The following IGSF3 variants were observed in gnomAD, a reference collection of about 807,000 sequenced individuals.
IGSF3 encodes glu-Trp-Ile EWI motif-containing protein 3.
A neutral mutation model predicts 114.4 loss-of-function variants in IGSF3; 23 were observed. That is an observed-to-expected ratio of 0.20 (90% CI 0.14 to 0.28). IGSF3 has a LOEUF of 0.28. IGSF3 is among the 10% of genes least tolerant of loss of function. The pLI, the probability that IGSF3 is intolerant of heterozygous loss-of-function variation, is 1.00. For missense variants in IGSF3, 1,172 were observed against 1,591.5 expected (o/e 0.74, Z 4.48); for synonymous variants, 571 against 645.2 (o/e 0.88, Z 1.74).
intron 2 of IGSF3, among the ~76,000 whole-genome samples, chr1:116,637,832 T>G (rs1236430766): frequency 1.3e-5 from 2 of 152,238 alleles, no homozygotes; most frequent in Non-Finnish European, 2.9e-5. Flanking sequence ...TGACTTTCGA[T>G]GATTCAGATG....
Position 116,579,519 on chromosome 1 carries a change from C to G in IGSF3, c.3207G>C (p.Gln1069His). Reference sequence around the variant, plus strand: ...AATTGCCTGTATCTTGGGGGCTTGCCTGCAGCACTGTGAGCCGGTAGAGCA... The same window carrying G: ...AATTGCCTGTATCTTGGGGGCTTGCGTGCAGCACTGTGAGCCGGTAGAGCA... The part of the protein sequence containing the change: ...SPVLYRLTVL[Q>H]ASPQDTGNYS... The change falls in exon 10 of 11, where the codon CAG becomes CAC. Residue 1069 changes from glutamine to histidine, a missense_variant. Physicochemically the swap from Gln to His is conservative, Grantham distance 24 (BLOSUM62 0). Around this residue, in one of 3 missense-constraint regions of IGSF3, gnomAD observed 423 missense variants for 509.8 expected, o/e 0.83. Transcript: ENST00000369486. This position sits in a 1 kb window ranked among gnomAD's most constrained non-coding sequence, Gnocchi z 6.4. The G allele has an allele frequency of 6.2e-7, 1 of 1,614,158 alleles. No individual in the cohort carries two copies.
rs533452058 is a variant in IGSF3 at position 116,654,635 on chromosome 1, C to T, written c.43+11649G>A. 6.6e-6 allele frequency among the ~76,000 whole-genome samples: 1 copy of T among 152,286 alleles called. No individual in the cohort carries two copies. Among genetic ancestry groups the T allele is most frequent in the Admixed American group, 6.5e-5 (1 of 15,304 alleles). On this transcript the variant is annotated intron_variant, in intron 2 of 10. Coordinates refer to ENST00000369486, the MANE Select transcript of IGSF3 (RefSeq NM_001007237.3). The surrounding 1 kb of genome is among the most constrained non-coding windows in gnomAD (Gnocchi z 4.4). Reference sequence around the variant, plus strand: ...GATTGGCCTTATACTCACCACCCCCCATACGAGGCTCCTCTGGTATGGACG... The same window carrying T: ...GATTGGCCTTATACTCACCACCCCCTATACGAGGCTCCTCTGGTATGGACG...
chr1:116,601,980 A>G (rs1660609661), intron 6 of IGSF3, among the ~76,000 whole-genome samples: 1 of 152,258 alleles, frequency 6.6e-6, no homozygotes, highest in Non-Finnish European at 1.5e-5. Flanking sequence ...CTAACCGAAC[A>G]GCCATAATGA....
At position 116,585,154 on chromosome 1, in the gene IGSF3, G is replaced by A. The variant is rs1659781987; in HGVS notation, c.2441-102C>T. On this transcript the variant is annotated intron_variant, in intron 8 of 10. Coordinates refer to ENST00000369486, the MANE Select transcript of IGSF3 (RefSeq NM_001007237.3). The surrounding 1 kb of genome is among the most constrained non-coding windows in gnomAD (Gnocchi z 4.9). The stretch of plus-strand genomic sequence containing the variant: ...AATGGATGCCTTCCAAATACAGAAG[G>A]ACGGCAGCACACACTCCATTAGGAG... 2 of 850,678 alleles carry A rather than the reference G, an allele frequency of 2.4e-6. No individual in the cohort carries two copies. Among genetic ancestry groups the A allele is most frequent in the Middle Eastern group, 2.3e-4 (1 of 4,340 alleles). 52.7% of individuals were successfully genotyped at this position (850,678 alleles called of 1,614,324 possible). A position where few individuals can be genotyped will look rare whatever the true frequency, so the allele number is the denominator to read the frequency against.
rs148335027 is a variant in IGSF3, at chr1:116,613,973, G to A, written c.624C>T (p.Ser208=). The part of the protein sequence containing the change: ...LSRDFMLHSS[S]EYAQRQSLGE... ...CCAGGCTCTGCCTCTGGGCATATTC[G>A]CTGCTGGAGTGAAGCATGAAATCTC... The change falls in exon 4 of 11, where the codon AGC becomes AGT. Residue 208 remains serine (S), a synonymous_variant. Transcript: ENST00000369486. The A allele has an allele frequency of 5.0e-5, 81 of 1,613,874 alleles. No individual in the cohort carries two copies. In the Middle Eastern group the frequency reaches 9.9e-4, roughly 20 times the overall value.
rs1322979256 is a variant in IGSF3, at chr1:116,575,263, C to G, written c.*2049G>C. Reference sequence around the variant, plus strand: ...TCATGACTGAGCCGCTCCTGTACCTCTAATGTGTTGATGCAGCATAATAAA... The same window carrying G: ...TCATGACTGAGCCGCTCCTGTACCTGTAATGTGTTGATGCAGCATAATAAA... On this transcript the variant is annotated 3_prime_UTR_variant, in exon 11 of 11. Transcript: ENST00000369486. This position sits in a 1 kb window ranked among gnomAD's most constrained non-coding sequence, Gnocchi z 5.6. 1 of 152,664 alleles carries G rather than the reference C, an allele frequency of 6.6e-6. No homozygotes were observed. The highest frequency in any genetic ancestry group is 2.4e-5 in the African/African-American group (1 of 41,450). The allele number at this position is 152,664 out of a possible 1,614,324, so 9.5% of individuals were successfully genotyped here.
At chr1:116,597,084 C>T (rs951656328) in intron 7 of IGSF3, among the ~76,000 whole-genome samples, 1 of 152,218 alleles carries the variant, frequency 6.6e-6, no homozygotes, top group African/African-American at 2.4e-5. Context: ...CTCCCTACCG[C>T]AATTACTCTT....
rs571814336 is a variant in IGSF3, at chr1:116,625,782, C to A, written c.44-9325G>T. Among the ~76,000 whole-genome samples the A allele has an allele frequency of 6.6e-6, 1 of 152,328 alleles. No individual in the cohort carries two copies. Among genetic ancestry groups the A allele is most frequent in the African/African-American group, 2.4e-5 (1 of 41,564 alleles). On this transcript the variant is annotated intron_variant, in intron 2 of 10. Coordinates refer to ENST00000369486, the MANE Select transcript of IGSF3 (RefSeq NM_001007237.3). The surrounding 1 kb of genome is among the most constrained non-coding windows in gnomAD (Gnocchi z 4.7). ...ATCCCCAGTGGTACCTAAAATAGAG[C>A]TGGTCTAAAGATGATGATTAATGAA...
At position 116,593,192 on chromosome 1, in the gene IGSF3, GC is replaced by G. The variant is rs1178530675; in HGVS notation, c.2030-4089del. 3.3e-5 allele frequency among the ~76,000 whole-genome samples: 5 copies of G among 152,226 alleles called. No individual in the cohort carries two copies. The highest frequency in any genetic ancestry group is 7.3e-5 in the Non-Finnish European group (5 of 68,036). On this transcript the variant is annotated intron_variant, in intron 7 of 10. Transcript: ENST00000369486. This position sits in a 1 kb window ranked among gnomAD's most constrained non-coding sequence, Gnocchi z 4.5. The stretch of plus-strand genomic sequence containing the variant: ...ATCACCTGGGAATCTGCCAGCCCCT[GC>G]TAAGTCAGAAAAACTGCGAGTAAGG...
In IGSF3 at chr1:116,582,545, C is replaced by T. The variant is rs1274803987; in HGVS notation, c.2848+2100G>A. 2.0e-5 allele frequency among the ~76,000 whole-genome samples: 3 copies of T among 152,242 alleles called. No homozygotes were observed. Among genetic ancestry groups the T allele is most frequent in the Non-Finnish European group, 4.4e-5 (3 of 68,050 alleles). On this transcript the variant is annotated intron_variant, in intron 9 of 10. Transcript: ENST00000369486. This position sits in a 1 kb window ranked among gnomAD's most constrained non-coding sequence, Gnocchi z 4.7. ...GAAGGTGATTATTTTCCTAACAATA[C>T]TTTTAGAGCTATATTATTTCAAGTC...
In IGSF3 at chr1:116,661,594, TTCAGAG is replaced by T. The variant is rs542426311; in HGVS notation, c.43+4684_43+4689del. 1.0e-3 allele frequency among the ~76,000 whole-genome samples: 153 copies of T among 152,354 alleles called. No individual in the cohort carries two copies. Among genetic ancestry groups the T allele is most frequent in the Non-Finnish European group, 1.8e-3 (124 of 68,044 alleles). ...CCTTCTTAGAAGCCAGAGGCTCGGC[TTCAGAG>T]TCAAACGGAATAGCTTATTAGATGT... On this transcript the variant is annotated intron_variant, in intron 2 of 10. Coordinates refer to ENST00000369486, the MANE Select transcript of IGSF3 (RefSeq NM_001007237.3). This position sits in a 1 kb window ranked among gnomAD's most constrained non-coding sequence, Gnocchi z 4.0.
rs199586893 is a variant in IGSF3, at chr1:116,612,167, AAAT to A, written c.832+1595_832+1597del. Among the ~76,000 whole-genome samples, 10,290 of 152,162 alleles carry A rather than the reference AAAT, an allele frequency of 0.068. 1,139 individuals carry two copies. Among genetic ancestry groups the A allele is most frequent in the African/African-American group, 0.23 (9,607 of 41,430 alleles). On this transcript the variant is annotated intron_variant, in intron 4 of 10. Transcript: ENST00000369486. The surrounding 1 kb of genome is among the most constrained non-coding windows in gnomAD (Gnocchi z 4.1). ...CCTAATTTAAAAGCATTAAGACTCA[AAAT>A]TTGGCCCAAATTTTTGAAGTTGATC...
Position 116,583,353 on chromosome 1 carries a change from A to G in IGSF3, c.2848+1292T>C, listed in dbSNP as rs990798765. On this transcript the variant is annotated intron_variant, in intron 9 of 10. Coordinates refer to ENST00000369486, the MANE Select transcript of IGSF3 (RefSeq NM_001007237.3). The surrounding 1 kb of genome is among the most constrained non-coding windows in gnomAD (Gnocchi z 4.5). ...CTAGGCAAGGTAAAAAGCAAAAAAT[A>G]TAAATAAGTAAAAGCTCACGGAAAA... Among the ~76,000 whole-genome samples, 1 of 152,226 alleles carries G rather than the reference A, an allele frequency of 6.6e-6. No homozygotes were observed. Among genetic ancestry groups the G allele is most frequent in the African/African-American group, 2.4e-5 (1 of 41,434 alleles).
chr1:116,635,421 G>GT (rs1289778737), intron 2 of IGSF3, among the ~76,000 whole-genome samples: 1 of 152,106 alleles, frequency 6.6e-6, no homozygotes, highest in Non-Finnish European at 1.5e-5. Flanking sequence ...CCCATGGAGT[G>GT]TCCCTAGATT....
In IGSF3 at chr1:116,577,916, G is replaced by A. The variant is rs953494509; in HGVS notation, c.3335-354C>T. Among the ~76,000 whole-genome samples the A allele has an allele frequency of 2.0e-5, 3 of 152,090 alleles. No homozygotes were observed. Among genetic ancestry groups the A allele is most frequent in the Non-Finnish European group, 2.9e-5 (2 of 68,016 alleles). ...CTGGTTCAGTCGGAGCCTCCTGCAT[G>A]GTTGGATTTTACATGCCCCTTTGCA... On this transcript the variant is annotated intron_variant, in intron 10 of 10. Coordinates refer to ENST00000369486, the MANE Select transcript of IGSF3 (RefSeq NM_001007237.3). This position sits in a 1 kb window ranked among gnomAD's most constrained non-coding sequence, Gnocchi z 5.7.
In IGSF3 at chr1:116,624,485, C is replaced by T. The variant is rs1203707853; in HGVS notation, c.44-8028G>A. 1.3e-5 allele frequency among the ~76,000 whole-genome samples: 2 copies of T among 152,176 alleles called. No individual in the cohort carries two copies. Among genetic ancestry groups the T allele is most frequent in the Non-Finnish European group, 1.5e-5 (1 of 68,036 alleles). On this transcript the variant is annotated intron_variant, in intron 2 of 10. Coordinates refer to ENST00000369486, the MANE Select transcript of IGSF3 (RefSeq NM_001007237.3). This position sits in a 1 kb window ranked among gnomAD's most constrained non-coding sequence, Gnocchi z 4.9. ...CTTAATTCCTGGCACACAATAAGTG[C>T]TCAATAAATGTTTAGCCACTAGTTG...
In IGSF3 at chr1:116,633,381, CTT is replaced by C. The variant is rs918740148; in HGVS notation, c.44-16926_44-16925del. ...GAAGAGACCTTACATAATCTTTTAACTTTTTCTCTAAGGCTGATTCCCTATAA... is the reference window on the plus strand; with the variant it reads ...GAAGAGACCTTACATAATCTTTTAACTTTCTCTAAGGCTGATTCCCTATAA... On this transcript the variant is annotated intron_variant, in intron 2 of 10. Transcript: ENST00000369486. This position sits in a 1 kb window ranked among gnomAD's most constrained non-coding sequence, Gnocchi z 4.3. Among the ~76,000 whole-genome samples the C allele has an allele frequency of 2.0e-5, 3 of 152,154 alleles. No homozygotes were observed. The highest frequency in any genetic ancestry group is 2.9e-5 in the Non-Finnish European group (2 of 68,032).
Position 116,613,981 on chromosome 1 carries a change from A to T in IGSF3, c.616T>A (p.Ser206Thr), listed in dbSNP as rs1661122650. 1.9e-6 allele frequency: 3 copies of T among 1,613,852 alleles called. No individual in the cohort carries two copies. Among genetic ancestry groups the T allele is most frequent in the Non-Finnish European group, 2.5e-6 (3 of 1,179,900 alleles). The change falls in exon 4 of 11, where the codon TCC becomes ACC. Residue 206 changes from serine (S) to threonine (T), a missense_variant. By Grantham distance (58) the Ser-to-Thr change is moderately conservative. Around this residue, in one of 3 missense-constraint regions of IGSF3, gnomAD observed 736 missense variants for 1,042.0 expected, o/e 0.71. Coordinates refer to ENST00000369486, the MANE Select transcript of IGSF3 (RefSeq NM_001007237.3). ...ISLSRDFMLHSSSEYAQRQSL... is the reference protein window; with the variant it reads ...ISLSRDFMLHTSSEYAQRQSL... ...TGCCTCTGGGCATATTCGCTGCTGG[A>T]GTGAAGCATGAAATCTCGGCTCAGG... is the stretch of plus-strand genomic sequence containing the variant.
rs542598845 is a variant in IGSF3 at position 116,589,921 on chromosome 1, T to A, written c.2030-817A>T. Among the ~76,000 whole-genome samples, 12 of 152,278 alleles carry A rather than the reference T, an allele frequency of 7.9e-5. No individual in the cohort carries two copies. The East Asian group carries it at 2.3e-3, about 29-fold the overall frequency. ...GTGGACTGCCTAGCGGACATTCTTA[T>A]CGCTGCACCCCCAGAGCCTAGCACA... On this transcript the variant is annotated intron_variant, in intron 7 of 10. Transcript: ENST00000369486. The surrounding 1 kb of genome is among the most constrained non-coding windows in gnomAD (Gnocchi z 5.7).
Sources: allele counts gnomAD v4.1 joint callset (sites outside exome capture counted in the v4.1 genomes callset), GRCh38; gene constraint gnomAD v4.1.1; regional missense constraint gnomAD v4.1.1; non-coding constraint Gnocchi (gnomAD v3.1); transcripts MANE v1.5; gene names NCBI Gene and HGNC (gene_info 2026-07-23, HGNC 2026-07-21).